Variants in DPP6 observed in about 807,000 individuals in gnomAD.
DPP6 encodes dipeptidyl peptidase like 6.
A neutral mutation model predicts 122.6 loss-of-function variants in DPP6; 69 were observed. The observed-to-expected ratio is 0.56, with a 90% CI of 0.46 to 0.69. The LOEUF (loss-of-function observed/expected upper bound fraction) is 0.69. Ranked by LOEUF, DPP6 falls within the 30% of genes least tolerant of loss-of-function variation. DPP6 has a pLI of 0.00. For missense variants in DPP6, 928 were observed against 1,116.9 expected (o/e 0.83, Z 2.41); for synonymous variants, 418 against 433.1 (o/e 0.97, Z 0.43).
chr7:154,490,293 C>G (rs1225062307), intron 3 of DPP6, among the ~76,000 whole-genome samples: 1 of 152,220 alleles, frequency 6.6e-6, no homozygotes, highest in Admixed American at 6.5e-5. Context: ...AGACAACACC[C>G]CCAGGTGTCT....
the DPP6 span, among the ~76,000 whole-genome samples, chr7:153,798,333 G>A: frequency 2.0e-5 from 3 of 152,222 alleles, no homozygotes; most frequent in Non-Finnish European, 4.4e-5. Flanking sequence ...AGACAAAGAA[G>A]AGATATTGGT....
chr7:154,283,314 G>A (rs74563675), intron 1 of DPP6, among the ~76,000 whole-genome samples: 9,088 of 152,200 alleles, frequency 0.06, 322 homozygotes, highest in Admixed American at 0.1. Context: ...TTGCAACTCT[G>A]TGTGCCTCAG....
intron 1 of DPP6, among the ~76,000 whole-genome samples, chr7:154,112,980 C>T (rs1233028097): frequency 1.3e-5 from 2 of 152,158 alleles, no homozygotes; most frequent in Admixed American, 6.5e-5. Flanking sequence ...AGGGTTTATC[C>T]TTCTGTGGTT....
At chr7:154,724,695 C>T (rs545925358) in intron 7 of DPP6, among the ~76,000 whole-genome samples, 16 of 151,970 alleles carry the variant, frequency 1.1e-4, no homozygotes, top group South Asian at 6.3e-4. Context: ...TGTATGATTC[C>T]GCTTGTATGA....
At chr7:154,476,249 G>A (rs1262442389) in intron 3 of DPP6, among the ~76,000 whole-genome samples, 1 of 152,064 alleles carries the variant, frequency 6.6e-6, no homozygotes, top group African/African-American at 2.4e-5. Context: ...AGAAAACTGG[G>A]GAGAAATTAG....
chr7:154,192,976 G>A (rs931501162), intron 1 of DPP6, among the ~76,000 whole-genome samples: 1 of 152,224 alleles, frequency 6.6e-6, no homozygotes, highest in Non-Finnish European at 1.5e-5. Flanking sequence ...GGCATGTGCT[G>A]TTCAGAAGGC....
intron 1 of DPP6, among the ~76,000 whole-genome samples, chr7:154,027,884 C>G (rs1449475671): frequency 6.6e-6 from 1 of 151,680 alleles, no homozygotes; most frequent in Non-Finnish European, 1.5e-5. Flanking sequence ...ATCATACTGA[C>G]AGCATGAGCC....
chr7:153,787,807 G>A, the DPP6 span, among the ~76,000 whole-genome samples: 2 of 148,708 alleles, frequency 1.3e-5, no homozygotes, highest in Non-Finnish European at 3.0e-5. Context: ...GGTTTATGTA[G>A]GCATTGATTT....
the DPP6 span, among the ~76,000 whole-genome samples, chr7:153,801,706 G>A: frequency 6.6e-6 from 1 of 152,158 alleles, no homozygotes; most frequent in Non-Finnish European, 1.5e-5. Context: ...CAAGGCAATT[G>A]CTAAACTTTT....
Position 154,219,752 on chromosome 7 carries a change from A to AT in DPP6, c.243+166695dup, listed in dbSNP as rs1417603923. 4.6e-5 allele frequency among the ~76,000 whole-genome samples: 7 copies of AT among 151,842 alleles called. No homozygotes were observed. The East Asian group carries it at 7.8e-4, about 17-fold the overall frequency. On this transcript the variant is annotated intron_variant, in intron 1 of 25. Transcript: ENST00000377770. The stretch of plus-strand genomic sequence containing the variant: ...AGGTGCCTGCCACCACACCTGGCTA[A>AT]TTTTTTGTGTTTTTAGTAGAGACAT...
chr7:154,366,030 G>A (rs115666851), intron 1 of DPP6, among the ~76,000 whole-genome samples: 2,359 of 151,570 alleles, frequency 0.016, 71 homozygotes, highest in African/African-American at 0.054. Context: ...GTAAGCCTGC[G>A]CTGCTGGGCT....
the DPP6 span, among the ~76,000 whole-genome samples, chr7:153,874,556 A>T: frequency 2.6e-5 from 4 of 152,100 alleles, no homozygotes; most frequent in East Asian, 7.8e-4. Flanking sequence ...TTGTATTTTT[A>T]GTAAAGACAG....
chr7:153,856,995 G>A, the DPP6 span, among the ~76,000 whole-genome samples: 8 of 152,094 alleles, frequency 5.3e-5, no homozygotes, highest in African/African-American at 1.7e-4. Flanking sequence ...TCTGAATAAT[G>A]TTGGATTTCC....
At chr7:153,860,809 A>T in the DPP6 span, among the ~76,000 whole-genome samples, 1 of 152,228 alleles carries the variant, frequency 6.6e-6, no homozygotes, top group South Asian at 2.1e-4. Context: ...ACTTTACCTC[A>T]TCCCTTTCTG....
intron 7 of DPP6, among the ~76,000 whole-genome samples, chr7:154,676,695 G>A (rs1838934492): frequency 6.6e-6 from 1 of 152,256 alleles, no homozygotes; most frequent in South Asian, 2.1e-4. Flanking sequence ...ACCGGATGGA[G>A]TGCAGGAGGG....
At chr7:154,417,283 C>T (rs1056832778) in intron 1 of DPP6, among the ~76,000 whole-genome samples, 1 of 152,240 alleles carries the variant, frequency 6.6e-6, no homozygotes, top group African/African-American at 2.4e-5. Context: ...TTTTCATCTA[C>T]ATGAAACTCT....
intron 10 of DPP6, among the ~76,000 whole-genome samples, chr7:154,788,820 C>A (rs895625063): frequency 6.6e-6 from 1 of 152,204 alleles, no homozygotes; most frequent in Non-Finnish European, 1.5e-5. Flanking sequence ...CTCTTCCCAG[C>A]CGGTAGGAAG....
the DPP6 span, among the ~76,000 whole-genome samples, chr7:153,809,427 A>G: frequency 1.2e-4 from 19 of 152,276 alleles, 1 homozygote; most frequent in South Asian, 1.2e-3. Context: ...ACAGATGCTC[A>G]AAGCGGGATT....
chr7:154,387,643 C>T (rs1043197003), intron 1 of DPP6, among the ~76,000 whole-genome samples: 1 of 152,162 alleles, frequency 6.6e-6, no homozygotes, highest in African/African-American at 2.4e-5. Context: ...TTCACCAGCC[C>T]CCACATTATC....
Sources: gnomAD v4.1 joint callset for allele counts (sites outside exome capture counted in the v4.1 genomes callset) on GRCh38, gnomAD v4.1.1 for gene constraint, MANE v1.5 for transcripts, NCBI Gene and HGNC (gene_info 2026-07-23, HGNC 2026-07-21) for gene names.